Variants in EPHA6 observed in about 807,000 individuals in gnomAD.
EPHA6 encodes the protein ephrin type-A receptor 6.
EPHA6 carries 50 observed loss-of-function variants against 112.0 expected under a neutral mutation model. The observed-to-expected ratio is 0.45, with a 90% confidence interval of 0.36 to 0.56. The LOEUF (loss-of-function observed/expected upper bound fraction) is 0.56, where lower values mean the gene tolerates loss of function less well. Among genes scored for constraint, EPHA6 ranks in the 20% least tolerant of loss-of-function variants. The probability of loss-of-function intolerance (pLI) is 0.00; values close to 1 mark genes in which losing one functional copy is unlikely to be tolerated. For missense variants in EPHA6, 1,280 were observed against 1,417.4 expected, an observed-to-expected ratio of 0.90 and a Z score of 1.56; for synonymous variants, 529 against 490.7, an observed-to-expected ratio of 1.08 and a Z score of -1.03.
At chr3:97,357,653 T>A (rs1038557250) in intron 5 of EPHA6, among the ~76,000 whole-genome samples, 1 of 152,208 alleles carries the variant, frequency 6.6e-6, no homozygotes, top group South Asian at 2.1e-4. Context: ...TAACCCCCCA[T>A]GCAGTTGAAA....
chr3:97,175,932 G>T (rs1181384623), intron 3 of EPHA6, among the ~76,000 whole-genome samples: 4 of 151,712 alleles, frequency 2.6e-5, no homozygotes, highest in African/African-American at 9.7e-5. Flanking sequence ...AGGCCTTCCA[G>T]TACTATGCTG....
chr3:96,857,570 A>G (rs572739871), intron 1 of EPHA6, among the ~76,000 whole-genome samples: 1 of 152,192 alleles, frequency 6.6e-6, no homozygotes, highest in African/African-American at 2.4e-5. Context: ...TTTGTCCTAC[A>G]TAATTCTCAT....
rs897397427 is a variant in EPHA6 at position 97,647,537 on chromosome 3, G to A, written c.2784+9455G>A. Reference sequence around the variant, plus strand: ...GGATTTAGATGAGAACTGAGGCCTTGTTTTTACATGCCAATTCTATGATGA... The same window carrying A: ...GGATTTAGATGAGAACTGAGGCCTTATTTTTACATGCCAATTCTATGATGA... On this transcript the variant is annotated intron_variant, in intron 14 of 17. Transcript: ENST00000389672. 3.3e-5 allele frequency among the ~76,000 whole-genome samples: 5 copies of A among 152,246 alleles called. No homozygotes were observed. In the South Asian group the frequency reaches 1.0e-3, roughly 32 times the overall value.
chr3:97,030,977 T>C (rs1325292133), intron 3 of EPHA6, among the ~76,000 whole-genome samples: 2 of 152,138 alleles, frequency 1.3e-5, no homozygotes, highest in East Asian at 1.9e-4. Context: ...AGAATACCGA[T>C]TGATCATAAT....
chr3:97,072,109 C>T (rs2046377404), intron 3 of EPHA6, among the ~76,000 whole-genome samples: 1 of 152,048 alleles, frequency 6.6e-6, no homozygotes, highest in South Asian at 2.1e-4. Flanking sequence ...TTTATAGCAG[C>T]ACAATTTGCA....
At chr3:97,238,500 A>G (rs1159857135) in intron 4 of EPHA6, among the ~76,000 whole-genome samples, 2 of 152,020 alleles carry the variant, frequency 1.3e-5, no homozygotes, top group East Asian at 1.9e-4. Context: ...TGCCTATGAA[A>G]AAAATTACTT....
chr3:96,959,097 G>C (rs534225129), intron 2 of EPHA6, among the ~76,000 whole-genome samples: 82 of 152,288 alleles, frequency 5.4e-4, no homozygotes, highest in South Asian at 3.3e-3. Context: ...GTTTTCTAAA[G>C]TGACTGTGCC....
At chr3:97,700,806 A>G (rs980757345) in intron 14 of EPHA6, among the ~76,000 whole-genome samples, 4 of 152,206 alleles carry the variant, frequency 2.6e-5, no homozygotes, top group Non-Finnish European at 4.4e-5. Context: ...ATCACAATCA[A>G]TAGATGTACA....
chr3:96,894,691 G>T (rs1327476177), intron 2 of EPHA6, among the ~76,000 whole-genome samples: 3 of 152,150 alleles, frequency 2.0e-5, no homozygotes, highest in Non-Finnish European at 4.4e-5. Flanking sequence ...CAACAAGGTT[G>T]TGGTTGAGAT....
At chr3:97,548,979 T>C (rs6439245) in intron 11 of EPHA6, among the ~76,000 whole-genome samples, 41,944 of 152,116 alleles carry the variant, frequency 0.28, 8,925 homozygotes, top group African/African-American at 0.58. Context: ...TAGTGCAAAG[T>C]ATTACTCACT....
At chr3:96,857,672 A>G (rs888710335) in intron 1 of EPHA6, among the ~76,000 whole-genome samples, 2 of 152,100 alleles carry the variant, frequency 1.3e-5, no homozygotes, top group African/African-American at 4.8e-5. Flanking sequence ...AAGTCTTCAC[A>G]TTTTTCCTGC....
intron 5 of EPHA6, among the ~76,000 whole-genome samples, chr3:97,392,517 A>G (rs1290888435): frequency 6.6e-6 from 1 of 151,662 alleles, no homozygotes; most frequent in Non-Finnish European, 1.5e-5. Flanking sequence ...CATGTCATAC[A>G]TATTTTTTTG....
At chr3:97,625,294 T>C (rs1196385129) in intron 13 of EPHA6, among the ~76,000 whole-genome samples, 1 of 151,770 alleles carries the variant, frequency 6.6e-6, no homozygotes, top group Non-Finnish European at 1.5e-5. Flanking sequence ...TGATTTCTTC[T>C]TTGATCCATT....
chr3:97,043,727 G>A (rs954209121), intron 3 of EPHA6, among the ~76,000 whole-genome samples: 1 of 152,048 alleles, frequency 6.6e-6, no homozygotes, highest in Non-Finnish European at 1.5e-5. Context: ...AATTTAGCAA[G>A]TATAAAAACC....
chr3:97,691,153 A>G (rs2032639777), intron 14 of EPHA6, among the ~76,000 whole-genome samples: 1 of 152,228 alleles, frequency 6.6e-6, no homozygotes, highest in Non-Finnish European at 1.5e-5. Context: ...CTTCTATTGC[A>G]TATGGATATT....
chr3:97,232,942 G>T (rs956703108), intron 4 of EPHA6, among the ~76,000 whole-genome samples: 1 of 152,042 alleles, frequency 6.6e-6, no homozygotes, highest in African/African-American at 2.4e-5. Flanking sequence ...TTTTCTTACT[G>T]AGTGTTTCTA....
chr3:97,436,083 G>A (rs2089818553), intron 6 of EPHA6, among the ~76,000 whole-genome samples: 1 of 152,016 alleles, frequency 6.6e-6, no homozygotes, highest in Non-Finnish European at 1.5e-5. Context: ...ATCTTGACAA[G>A]CCTTTATTTT....
chr3:97,115,673 G>A (rs1472360898), intron 3 of EPHA6, among the ~76,000 whole-genome samples: 1 of 151,706 alleles, frequency 6.6e-6, no homozygotes, highest in Non-Finnish European at 1.5e-5. Context: ...GAGAAAAAGA[G>A]TTGGGAATCC....
chr3:97,201,327 CTT>C (rs2077572388), intron 3 of EPHA6, among the ~76,000 whole-genome samples: 1 of 152,022 alleles, frequency 6.6e-6, no homozygotes, highest in Admixed American at 6.6e-5. Flanking sequence ...TCTGGGGTAT[CTT>C]TTGATTAGCA....
Sources: gnomAD v4.1 joint callset for allele counts (sites outside exome capture counted in the v4.1 genomes callset) on GRCh38, gnomAD v4.1.1 for gene constraint, MANE v1.5 for transcripts, NCBI Gene and HGNC (gene_info 2026-07-23, HGNC 2026-07-21) for gene names.